Variants in MIB1 observed in about 807,000 individuals in gnomAD.
MIB1 encodes E3 ubiquitin-protein ligase MIB1.
Under a neutral mutation model 124.5 loss-of-function variants are expected in MIB1, and 278 were observed. The observed-to-expected ratio is 2.23, with a 90% confidence interval of 2.02 to 2.47. The LOEUF (loss-of-function observed/expected upper bound fraction) is 2.47. Ranked by LOEUF, MIB1 falls within the 30% of genes most tolerant of loss-of-function variation. MIB1 has a pLI of 0.00. For synonymous variants in MIB1, 446 were observed against 429.4 expected (o/e 1.04, Z -0.48); for missense variants, 957 against 1,254.4 (o/e 0.76, Z 3.58).
chr18:21,789,061 C>G (rs1403382042), intron 6 of MIB1, among the ~76,000 whole-genome samples: 1 of 152,092 alleles, frequency 6.6e-6, no homozygotes, highest in Admixed American at 6.5e-5. Flanking sequence ...AACAAATTAC[C>G]ATAGACTGGG....
intron 1 of MIB1, among the ~76,000 whole-genome samples, chr18:21,744,777 C>T (rs1185597376): frequency 1.3e-5 from 2 of 152,120 alleles, no homozygotes; most frequent in Non-Finnish European, 1.5e-5. Context: ...ACATGGTGTT[C>T]GTATGTCTCA....
chr18:21,821,110 T>A (rs1242166287), intron 12 of MIB1, among the ~76,000 whole-genome samples: 2 of 152,232 alleles, frequency 1.3e-5, no homozygotes, highest in East Asian at 3.8e-4. Context: ...GTTCCCACTG[T>A]TGCTGACCCA....
Position 21,798,116 on chromosome 18 carries a change from T to A in MIB1, c.1125T>A (p.Ile375=). The change falls in exon 8 of 21, where the codon ATT becomes ATA. Residue 375 remains isoleucine, a synonymous_variant. Coordinates refer to ENST00000261537, the MANE Select transcript of MIB1 (RefSeq NM_020774.4). The part of the protein sequence containing the change: ...TLGKVGRVQQ[I]YSDSDLKVEV... ...GTAAAGTTGGCCGAGTACAACAGAT[T>A]TATTCAGACAGTGATTTAAAGGTGG... The A allele has an allele frequency of 6.2e-7, 1 of 1,613,278 alleles. No individual in the cohort carries two copies. The highest frequency in any genetic ancestry group is 1.3e-5 in the African/African-American group (1 of 75,016).
chr18:21,715,758 A>G (rs1465874490), intron 1 of MIB1, among the ~76,000 whole-genome samples: 1 of 152,152 alleles, frequency 6.6e-6, no homozygotes, highest in African/African-American at 2.4e-5. Context: ...AGCAGAAGAA[A>G]GAACTTCAGA....
At chr18:21,807,821 GTTTTTTTATCAACTTTT>G (rs1302579046) in intron 10 of MIB1, among the ~76,000 whole-genome samples, 8 of 151,980 alleles carry the variant, frequency 5.3e-5, no homozygotes, top group Admixed American at 4.6e-4. Context: ...AAAGTGATTT[GTTTTTTTATCAACTTTT>G]TTATCATTGG....
chr18:21,739,050 A>G (rs1354527785), upstream of MIB1, among the ~76,000 whole-genome samples: 1 of 151,936 alleles, frequency 6.6e-6, no homozygotes, highest in African/African-American at 2.4e-5. Flanking sequence ...AGCCAGACTA[A>G]TGCAGAAGAA....
intron 3 of MIB1, among the ~76,000 whole-genome samples, chr18:21,772,070 A>G (rs1409184373): frequency 6.6e-6 from 1 of 152,234 alleles, no homozygotes; most frequent in African/African-American, 2.4e-5. Flanking sequence ...TAAATTACTA[A>G]CAATTTAAAA....
chr18:21,862,778 T>C (rs1159088352), intron 20 of MIB1, among the ~76,000 whole-genome samples: 2 of 152,124 alleles, frequency 1.3e-5, no homozygotes, highest in African/African-American at 2.4e-5. Flanking sequence ...AGGACTGAGA[T>C]TGTATCCTAT....
Position 21,741,793 on chromosome 18 carries a change from C to T in MIB1, c.210C>T (p.Ile70=), listed in dbSNP as rs948332277. The T allele has an allele frequency of 1.9e-6, 3 of 1,604,398 alleles. No homozygotes were observed. Among genetic ancestry groups the T allele is most frequent in the East Asian group, 2.2e-5 (1 of 44,456 alleles). ...GCTCCGGGGCTTACGACCTCCGCAT[C>T]CTGGACAGCGCGCCCACCGGTAAGC... The part of the protein sequence containing the change: ...YRCSGAYDLR[I]LDSAPTGIKH... Residue 70 remains isoleucine, a synonymous_variant, in exon 1 of 21, where the codon ATC becomes ATT. Coordinates refer to ENST00000261537, the MANE Select transcript of MIB1 (RefSeq NM_020774.4). This position sits in a 1 kb window ranked among gnomAD's most constrained non-coding sequence, Gnocchi z 5.4.
At chr18:21,846,047 G>A (rs1424720203) in intron 15 of MIB1, among the ~76,000 whole-genome samples, 1 of 152,172 alleles carries the variant, frequency 6.6e-6, no homozygotes, top group African/African-American at 2.4e-5. Flanking sequence ...TTAGCTATTT[G>A]ATACCAGCCC....
At chr18:21,757,962 A>G (rs996530767) in intron 1 of MIB1, among the ~76,000 whole-genome samples, 2 of 152,206 alleles carry the variant, frequency 1.3e-5, no homozygotes, top group Non-Finnish European at 1.5e-5. Context: ...AAACCGTGGT[A>G]GAGTGAATGA....
intron 2 of MIB1, among the ~76,000 whole-genome samples, chr18:21,767,926 C>T (rs1256615011): frequency 6.6e-6 from 1 of 152,134 alleles, no homozygotes; most frequent in Non-Finnish European, 1.5e-5. Context: ...CTGCTCCCCC[C>T]ACTGCCCCCG....
In MIB1 at chr18:21,864,792, T is replaced by A; in HGVS notation, c.*126T>A. ...CATAGTTTCTTTACTAGAGTATAAT[T>A]GGGCTGTAAATGTACCAGAACAAAA... On this transcript the variant is annotated 3_prime_UTR_variant, in exon 21 of 21. Transcript: ENST00000261537. The A allele has an allele frequency of 1.5e-6, 1 of 650,590 alleles. No homozygotes were observed. Among genetic ancestry groups the A allele is most frequent in the South Asian group, 3.7e-5 (1 of 26,694 alleles). The allele number at this position is 650,590 out of a possible 1,614,324, so 40.3% of individuals were successfully genotyped here.
chr18:21,773,064 G>A (rs763754158), intron 3 of MIB1, among the ~76,000 whole-genome samples: 5 of 152,050 alleles, frequency 3.3e-5, no homozygotes, highest in Admixed American at 1.3e-4. Context: ...TCAGGAGTTC[G>A]AGACCAGCCT....
At chr18:21,711,498 G>T (rs1192542502) in intron 1 of MIB1, among the ~76,000 whole-genome samples, 1 of 151,756 alleles carries the variant, frequency 6.6e-6, no homozygotes, top group Non-Finnish European at 1.5e-5. Flanking sequence ...GGCCAGGCTG[G>T]TCTTGAACTC....
At chr18:21,796,771 G>A (rs1317639226) in intron 7 of MIB1, among the ~76,000 whole-genome samples, 3 of 152,130 alleles carry the variant, frequency 2.0e-5, no homozygotes, top group Non-Finnish European at 4.4e-5. Context: ...AATGAGCCTC[G>A]TACCAGGTAA....
chr18:21,753,019 C>T (rs961409755), intron 1 of MIB1, among the ~76,000 whole-genome samples: 2 of 151,636 alleles, frequency 1.3e-5, no homozygotes, highest in African/African-American at 4.8e-5. Flanking sequence ...TGTGCTTTTT[C>T]TTTTTTTTCT....
chr18:21,848,827 G>GTTTTTT (rs2042157229), intron 16 of MIB1, among the ~76,000 whole-genome samples: 1 of 152,108 alleles, frequency 6.6e-6, no homozygotes, highest in Non-Finnish European at 1.5e-5. Context: ...GGCTAGTGAG[G>GTTTTTT]ATTTTTGTTT....
At chr18:21,820,524 A>G (rs2041869291) in intron 12 of MIB1, among the ~76,000 whole-genome samples, 1 of 152,228 alleles carries the variant, frequency 6.6e-6, no homozygotes, top group Admixed American at 6.5e-5. Context: ...GGTAACTGTA[A>G]CAGTGGGTAT....
Sources: allele counts gnomAD v4.1 joint callset (sites outside exome capture counted in the v4.1 genomes callset), GRCh38; gene constraint gnomAD v4.1.1; non-coding constraint Gnocchi (gnomAD v3.1); transcripts MANE v1.5; gene names NCBI Gene and HGNC (gene_info 2026-07-23, HGNC 2026-07-21).